Variants in MGA observed in about 807,000 individuals in gnomAD.
MGA encodes the protein MAX gene-associated protein.
MGA carries 40 observed loss-of-function variants against 261.1 expected under a neutral mutation model. That is an observed-to-expected ratio of 0.15 (90% CI 0.12 to 0.20). The LOEUF (loss-of-function observed/expected upper bound fraction) is 0.20, where lower values mean the gene tolerates loss of function less well. MGA is among the 10% of genes least tolerant of loss of function. The pLI is 1.00. For synonymous variants in MGA, 1,302 were observed against 1,290.6 expected (o/e 1.01, Z -0.19); for missense variants, 3,397 against 3,630.5 (o/e 0.94, Z 1.65).
At chr15:41,682,646 A>G (rs1192575904) in intron 2 of MGA, among the ~76,000 whole-genome samples, 18 of 151,468 alleles carry the variant, frequency 1.2e-4, no homozygotes, top group Admixed American at 1.1e-3. Context: ...ACGCCCGGCT[A>G]ATTTTTGTGG....
At chr15:41,693,701 T>G (rs1470599940) in intron 2 of MGA, among the ~76,000 whole-genome samples, 3 of 152,188 alleles carry the variant, frequency 2.0e-5, no homozygotes, top group Admixed American at 2.0e-4. Flanking sequence ...TACTGCAGGT[T>G]ATTGTTTAAG....
intron 9 of MGA, among the ~76,000 whole-genome samples, chr15:41,722,636 A>G (rs980875245): frequency 6.6e-6 from 1 of 152,204 alleles, no homozygotes; most frequent in Non-Finnish European, 1.5e-5. Context: ...ATTGAGCTGT[A>G]TACTGTTTAT....
At chr15:41,630,022 T>C (rs1454279709) in intron 1 of MGA, among the ~76,000 whole-genome samples, 2 of 152,190 alleles carry the variant, frequency 1.3e-5, no homozygotes, top group Admixed American at 6.5e-5. Flanking sequence ...TTTCTCTCCA[T>C]TGTTTGAGGA....
chr15:41,761,954 C>T, intron 21 of MGA, 104 bp downstream of exon 21: 1 of 1,030,240 alleles, frequency 9.7e-7, no homozygotes, highest in Non-Finnish European at 1.4e-6. Flanking sequence ...TTGGCTCCCA[C>T]AGTTTACAGC....
In MGA at chr15:41,720,825, CAAAAT is replaced by C. The variant is rs905375181; in HGVS notation, c.3431-6337_3431-6333del. Among the ~76,000 whole-genome samples the C allele has an allele frequency of 7.9e-5, 12 of 151,794 alleles. No homozygotes were observed. The South Asian group carries it at 1.2e-3, about 16-fold the overall frequency. On this transcript the variant is annotated intron_variant, in intron 9 of 23. Transcript: ENST00000219905. Reference sequence around the variant, plus strand: ...TGGACGACAAAGTGAGACTCTGTCTCAAAATAAAATAAAATAAAATAATACTGTAA... The same window carrying C: ...TGGACGACAAAGTGAGACTCTGTCTCAAAATAAAATAAAATAATACTGTAA...
intron 5 of MGA, among the ~76,000 whole-genome samples, chr15:41,707,102 G>A (rs2060160734): frequency 6.6e-6 from 1 of 152,136 alleles, no homozygotes; most frequent in African/African-American, 2.4e-5. Context: ...ACAGTCTCTG[G>A]ACCACAAAGA....
chr15:41,705,368 T>A, intron 5 of MGA, among the ~76,000 whole-genome samples: 1 of 152,156 alleles, frequency 6.6e-6, no homozygotes, highest in Non-Finnish European at 1.5e-5. Context: ...GAGGTCTTTT[T>A]TTTTTTCAAG....
chr15:41,662,395 G>A (rs2057465678), intron 1 of MGA, among the ~76,000 whole-genome samples: 1 of 152,168 alleles, frequency 6.6e-6, no homozygotes, highest in African/African-American at 2.4e-5. Flanking sequence ...TGATATCTGG[G>A]AAGAGAAGGA....
At position 41,768,361 on chromosome 15, in the gene MGA, T is replaced by G. The variant is rs2063902100; in HGVS notation, c.*1081T>G. ...TTTTCACTCATTAACTGTCAGGATA[T>G]GAAGGACTGACAGTCTGTAAAGATA... On this transcript the variant is annotated 3_prime_UTR_variant, in exon 24 of 24. Coordinates refer to ENST00000219905, the MANE Select transcript of MGA (RefSeq NM_001164273.2). 2 of 152,656 alleles carry G rather than the reference T, an allele frequency of 1.3e-5. No homozygotes were observed. Among genetic ancestry groups the G allele is most frequent in the Non-Finnish European group, 2.9e-5 (2 of 68,042 alleles). The allele number at this position is 152,656 out of a possible 1,614,324, so 9.5% of individuals were successfully genotyped here. A position where few individuals can be genotyped will look rare whatever the true frequency, so the allele number is the denominator to read the frequency against.
chr15:41,681,702 G>A (rs916090713), intron 2 of MGA, among the ~76,000 whole-genome samples: 6 of 152,052 alleles, frequency 3.9e-5, no homozygotes, highest in African/African-American at 1.4e-4. Flanking sequence ...TTCCTGCCTT[G>A]GCCTCCCAAA....
At chr15:41,667,683 T>C (rs2057831892) in intron 1 of MGA, among the ~76,000 whole-genome samples, 1 of 152,182 alleles carries the variant, frequency 6.6e-6, no homozygotes, top group Non-Finnish European at 1.5e-5. Flanking sequence ...TCCAGCCCCC[T>C]TTTTATATTA....
intron 1 of MGA, among the ~76,000 whole-genome samples, chr15:41,629,810 G>A (rs1295702515): frequency 6.6e-6 from 1 of 152,170 alleles, no homozygotes; most frequent in Non-Finnish European, 1.5e-5. Flanking sequence ...ACTGAGCCCT[G>A]AGACTACTGA....
At chr15:41,728,511 C>A (rs1251333528) in intron 10 of MGA, among the ~76,000 whole-genome samples, 1 of 152,104 alleles carries the variant, frequency 6.6e-6, no homozygotes, top group Non-Finnish European at 1.5e-5. Flanking sequence ...GTAGTATATA[C>A]TGTATTCTTA....
At chr15:41,762,580 G>A (rs752230276) in intron 22 of MGA, among the ~76,000 whole-genome samples, 2 of 138,346 alleles carry the variant, frequency 1.4e-5, no homozygotes, top group African/African-American at 5.4e-5. Flanking sequence ...GCGATTATCT[G>A]CTTCAGCCTC....
At chr15:41,694,072 C>G (rs1233032115) in intron 2 of MGA, among the ~76,000 whole-genome samples, 4 of 151,960 alleles carry the variant, frequency 2.6e-5, no homozygotes, top group Non-Finnish European at 4.4e-5. Flanking sequence ...GAGGGTCAGT[C>G]TGCTCTGAGC....
At chr15:41,698,971 A>G (rs1245781500) in intron 4 of MGA, 30 bp downstream of exon 4, 1 of 1,545,942 alleles carries the variant, frequency 6.5e-7, no homozygotes. Flanking sequence ...AAAGAGTTGT[A>G]TTTGTGGTTT....
intron 1 of MGA, among the ~76,000 whole-genome samples, chr15:41,665,884 A>G (rs1469526858): frequency 6.6e-6 from 1 of 151,896 alleles, no homozygotes; most frequent in Non-Finnish European, 1.5e-5. Flanking sequence ...CTTTTTCTTT[A>G]TAACCTTTAA....
At chr15:41,641,396 C>T (rs145475634) in intron 1 of MGA, among the ~76,000 whole-genome samples, 3 of 151,740 alleles carry the variant, frequency 2.0e-5, no homozygotes, top group African/African-American at 7.3e-5. Flanking sequence ...CTTAACTTCT[C>T]GAGAAACTGC....
chr15:41,759,190 G>T (rs1213560356), intron 19 of MGA, among the ~76,000 whole-genome samples: 1 of 152,156 alleles, frequency 6.6e-6, no homozygotes, highest in Non-Finnish European at 1.5e-5. Flanking sequence ...TAAAAGTAGT[G>T]ATGTAACTAT....
Sources: gnomAD v4.1 joint callset for allele counts (sites outside exome capture counted in the v4.1 genomes callset) on GRCh38, gnomAD v4.1.1 for gene constraint, MANE v1.5 for transcripts, NCBI Gene and HGNC (gene_info 2026-07-23, HGNC 2026-07-21) for gene names.